ADD1: variants seen among roughly 807,000 people sequenced by gnomAD.
ADD1 encodes adducin 1.
A neutral mutation model predicts 80.5 loss-of-function variants in ADD1; 24 were observed. The ratio of observed to expected loss-of-function variants is 0.30; its 90% CI spans 0.22 to 0.42. The LOEUF is 0.42. ADD1 is among the 10% of genes least tolerant of loss of function. ADD1 has a pLI of 1.00. For synonymous variants in ADD1, 373 were observed against 393.8 expected, an observed-to-expected ratio of 0.95 and a Z score of 0.63; for missense variants, 948 against 1,019.0, an observed-to-expected ratio of 0.93 and a Z score of 0.95.
intron 4 of ADD1, among the ~76,000 whole-genome samples, chr4:2,888,473 G>A (rs1733763821): frequency 6.6e-6 from 1 of 151,516 alleles, no homozygotes; most frequent in African/African-American, 2.4e-5. Context: ...CTGGAGTGCA[G>A]TGGCATGATC....
In ADD1 at chr4:2,876,721, C is replaced by G. The variant is rs567334991; in HGVS notation, c.195+611C>G. On this transcript the variant is annotated intron_variant, in intron 2 of 15. Coordinates refer to ENST00000683351, the MANE Select transcript of ADD1 (RefSeq NM_001354761.2). ...AGGCGTAGTGGCGGGCGCCTGTAGTCCCAGCAACTCGGGAGGCTGAGGCAG... is the reference window on the plus strand; with the variant it reads ...AGGCGTAGTGGCGGGCGCCTGTAGTGCCAGCAACTCGGGAGGCTGAGGCAG... Among the ~76,000 whole-genome samples the G allele has an allele frequency of 2.6e-5, 4 of 152,050 alleles. No individual in the cohort carries two copies. The East Asian group carries it at 7.7e-4, about 29-fold the overall frequency.
chr4:2,909,236 G>A, intron 12 of ADD1, 103 bp from the exon 13 acceptor site: 1 of 951,708 alleles, frequency 1.1e-6, no homozygotes, highest in Non-Finnish European at 1.6e-6. Flanking sequence ...ACTGTTGACA[G>A]CTGTCCCTGC....
At chr4:2,865,906 A>T (rs1001711489) in intron 1 of ADD1, among the ~76,000 whole-genome samples, 1 of 152,238 alleles carries the variant, frequency 6.6e-6, no homozygotes, top group Non-Finnish European at 1.5e-5. Flanking sequence ...TTGCCAGAAG[A>T]TAAGTCAAAT....
At chr4:2,908,997 G>A in intron 12 of ADD1, 1 of 446,846 alleles carries the variant, frequency 2.2e-6, no homozygotes, top group Non-Finnish European at 4.1e-6. Context: ...GGTTGCAGAG[G>A]GGTGGGTGCC....
chr4:2,925,305 CAGA>C (rs1186944719), intron 14 of ADD1, among the ~76,000 whole-genome samples: 2 of 152,196 alleles, frequency 1.3e-5, no homozygotes, highest in East Asian at 3.9e-4. Flanking sequence ...CCTGGGAGCT[CAGA>C]AGGATGATGA....
intron 1 of ADD1, among the ~76,000 whole-genome samples, chr4:2,869,332 G>A (rs1296684309): frequency 2.6e-5 from 4 of 152,152 alleles, no homozygotes; most frequent in Admixed American, 6.5e-5. Flanking sequence ...AGTCCTTGGC[G>A]TTTCTTGGCT....
chr4:2,924,835 C>G (rs1230123218), intron 14 of ADD1, among the ~76,000 whole-genome samples: 2 of 152,224 alleles, frequency 1.3e-5, no homozygotes, highest in African/African-American at 2.4e-5. Flanking sequence ...TCAGCTTGAG[C>G]TGTGGGTCAT....
intron 9 of ADD1, chr4:2,900,575 C>T (rs1444531773): frequency 6.6e-6 from 1 of 152,438 alleles, no homozygotes; most frequent in Non-Finnish European, 1.5e-5. Flanking sequence ...AGATGGGTGG[C>T]TTCAGGAAGC....
intron 1 of ADD1, among the ~76,000 whole-genome samples, chr4:2,851,895 G>T (rs2005451): frequency 0.017 from 2,645 of 151,744 alleles, 54 homozygotes; most frequent in African/African-American, 0.046. Context: ...AGGCTGGAGC[G>T]CAATGGCTCG....
intron 1 of ADD1, among the ~76,000 whole-genome samples, chr4:2,859,380 G>A (rs1728518953): frequency 6.6e-6 from 1 of 152,100 alleles, no homozygotes; most frequent in Non-Finnish European, 1.5e-5. Context: ...GTCTGAGAAT[G>A]ACAAATATGA....
chr4:2,914,744 C>T (rs918564695), intron 13 of ADD1, 140 bp from the exon 14 acceptor site: 22 of 932,712 alleles, frequency 2.4e-5, no homozygotes, highest in Middle Eastern at 7.0e-4. Flanking sequence ...GCCTAGGCCT[C>T]GGGCCCATGG....
intron 14 of ADD1, 72 bp downstream of exon 14, chr4:2,915,112 G>C: frequency 1.3e-6 from 2 of 1,487,618 alleles, no homozygotes; most frequent in Non-Finnish European, 1.8e-6. Context: ...TTGTGGTCCA[G>C]GTGCTGGCTG....
intron 3 of ADD1, among the ~76,000 whole-genome samples, chr4:2,883,906 T>C (rs1406125875): frequency 1.3e-5 from 2 of 152,102 alleles, no homozygotes; most frequent in Non-Finnish European, 1.5e-5. Context: ...CTCCTGACCT[T>C]GTGATCCTCC....
chr4:2,882,156 A>G, intron 3 of ADD1, 96 bp downstream of exon 3: 1 of 1,139,156 alleles, frequency 8.8e-7, no homozygotes, highest in South Asian at 1.9e-5. Context: ...TTAACTGTAT[A>G]ACATAACAGA....
chr4:2,894,130 A>G, intron 5 of ADD1, 37 bp downstream of exon 5: 1 of 1,467,676 alleles, frequency 6.8e-7, no homozygotes, highest in Non-Finnish European at 9.6e-7. Context: ...TTGTATGTGC[A>G]GGTCATGTTA....
chr4:2,899,265 A>G lies in ADD1; in HGVS notation c.991A>G (p.Thr331Ala). ...TGTGTGTGTTTTGGAAAAGGTTCGA[A>G]CTCTGGCCAGTGCAGGAGGACCAGA... ...LVVACEIQVR[T>A]LASAGGPDNL... Residue 331 changes from threonine to alanine, a missense_variant, in exon 9 of 16, where the codon ACT becomes GCT. Coordinates refer to ENST00000683351, the MANE Select transcript of ADD1 (RefSeq NM_001354761.2). 6.2e-7 allele frequency: 1 copy of G among 1,609,484 alleles called. No homozygotes were observed.
At chr4:2,892,690 C>T (rs1734498069) in intron 4 of ADD1, among the ~76,000 whole-genome samples, 1 of 151,730 alleles carries the variant, frequency 6.6e-6, no homozygotes, top group African/African-American at 2.4e-5. Context: ...AAAAAAATAG[C>T]CAGGCTTAAT....
In ADD1 at chr4:2,894,027, C is replaced by G; in HGVS notation, c.525C>G (p.Ser175=). The part of the protein sequence containing the change: ...IYNHITTRVN[S]EQEHFLIVPF... The stretch of plus-strand genomic sequence containing the variant: ...TTTCCCCACAGACCAGAGTGAACTC[C>G]GAGCAGGAACACTTCCTCATTGTCC... The change falls in exon 5 of 16, where the codon TCC becomes TCG. Residue 175 remains serine, a synonymous_variant. Coordinates refer to ENST00000683351, the MANE Select transcript of ADD1 (RefSeq NM_001354761.2). 6.2e-7 allele frequency: 1 copy of G among 1,614,082 alleles called. No homozygotes were observed. Among genetic ancestry groups the G allele is most frequent in the South Asian group, 1.1e-5 (1 of 91,088 alleles).
chr4:2,845,051 C>A (rs566122268), intron 1 of ADD1, among the ~76,000 whole-genome samples: 50 of 151,514 alleles, frequency 3.3e-4, no homozygotes, highest in Non-Finnish European at 6.3e-4. Flanking sequence ...AACTTTGGAG[C>A]CTTGAATGGA....
Sources: allele counts gnomAD v4.1 joint callset (sites outside exome capture counted in the v4.1 genomes callset), GRCh38; gene constraint gnomAD v4.1.1; transcripts MANE v1.5; gene names NCBI Gene and HGNC (gene_info 2026-07-23, HGNC 2026-07-21).